ZMAT4: variants seen among roughly 807,000 people sequenced by gnomAD.
ZMAT4 encodes the protein zinc finger matrin-type 4, also known as zinc finger matrin-type protein 4.
A neutral mutation model predicts 28.7 loss-of-function variants in ZMAT4; 17 were observed. The ratio of observed to expected loss-of-function variants is 0.59; its 90% confidence interval spans 0.41 to 0.89. The LOEUF is 0.89. Ranked by LOEUF, ZMAT4 falls within the 40% of genes least tolerant of loss-of-function variation. The pLI is 0.00. For missense variants in ZMAT4, 240 were observed against 283.8 expected (o/e 0.85, Z 1.11); for synonymous variants, 117 against 109.2 (o/e 1.07, Z -0.44).
At chr8:40,760,642 A>T (rs1461918237) in intron 3 of ZMAT4, among the ~76,000 whole-genome samples, 2 of 150,322 alleles carry the variant, frequency 1.3e-5, no homozygotes, top group African/African-American at 2.5e-5. Context: ...GGCAAAGCTG[A>T]CTTTTTTCAT....
intron 5 of ZMAT4, among the ~76,000 whole-genome samples, chr8:40,647,293 C>T (rs918151892): frequency 4.6e-5 from 7 of 152,050 alleles, no homozygotes; most frequent in East Asian, 3.9e-4. Context: ...GTTCCCTTTC[C>T]GAGTCAAAGA....
intron 1 of ZMAT4, among the ~76,000 whole-genome samples, chr8:40,891,747 C>T (rs1818697954): frequency 6.6e-6 from 1 of 152,304 alleles, no homozygotes; most frequent in Non-Finnish European, 1.5e-5. Flanking sequence ...TTTGTTAGCA[C>T]AGGGACACCC....
intron 5 of ZMAT4, among the ~76,000 whole-genome samples, chr8:40,607,835 C>G (rs1461984236): frequency 6.6e-6 from 1 of 152,104 alleles, no homozygotes; most frequent in South Asian, 2.1e-4. Flanking sequence ...CTACTGGGCT[C>G]TGGGCTAGTA....
At chr8:40,812,233 A>C (rs73617465) in intron 2 of ZMAT4, among the ~76,000 whole-genome samples, 12,434 of 151,572 alleles carry the variant, frequency 0.082, 799 homozygotes, top group East Asian at 0.3. Context: ...GTGACTTTGA[A>C]GTGGAGAAAC....
chr8:40,744,653 C>A (rs1025500095), intron 3 of ZMAT4, among the ~76,000 whole-genome samples: 2 of 152,128 alleles, frequency 1.3e-5, no homozygotes, highest in Non-Finnish European at 2.9e-5. Context: ...GCAACACCCA[C>A]CCCAGGTATT....
intron 5 of ZMAT4, among the ~76,000 whole-genome samples, chr8:40,609,762 G>A (rs1230833032): frequency 6.6e-6 from 1 of 151,836 alleles, no homozygotes; most frequent in Non-Finnish European, 1.5e-5. Context: ...CTGTATCACT[G>A]CTGTAAATTC....
At chr8:40,766,525 C>T (rs1156719538) in intron 3 of ZMAT4, among the ~76,000 whole-genome samples, 1 of 152,118 alleles carries the variant, frequency 6.6e-6, no homozygotes, top group African/African-American at 2.4e-5. Flanking sequence ...AGACTCAGTC[C>T]CGGCTCTTAG....
intron 5 of ZMAT4, among the ~76,000 whole-genome samples, chr8:40,673,643 C>T (rs1808779284): frequency 6.6e-6 from 1 of 152,056 alleles, no homozygotes; most frequent in Non-Finnish European, 1.5e-5. Flanking sequence ...TTTTGCTGTA[C>T]TTCTATGCTG....
At chr8:40,788,256 G>T (rs1814166691) in intron 2 of ZMAT4, among the ~76,000 whole-genome samples, 1 of 151,972 alleles carries the variant, frequency 6.6e-6, no homozygotes, top group African/African-American at 2.4e-5. Flanking sequence ...TAGATGAAAT[G>T]AGCAAATTAC....
chr8:40,591,397 G>A (rs1254433000), intron 5 of ZMAT4, among the ~76,000 whole-genome samples: 1 of 152,116 alleles, frequency 6.6e-6, no homozygotes, highest in African/African-American at 2.4e-5. Context: ...TGAATCCTGG[G>A]CCAGATGTGT....
intron 3 of ZMAT4, among the ~76,000 whole-genome samples, chr8:40,724,555 A>T (rs2150520745): frequency 6.6e-6 from 1 of 152,362 alleles, no homozygotes; most frequent in South Asian, 2.1e-4. Context: ...GGCATTGAGG[A>T]GACAATGATG....
intron 1 of ZMAT4, among the ~76,000 whole-genome samples, chr8:40,840,986 T>A (rs1234360292): frequency 1.3e-5 from 2 of 151,692 alleles, no homozygotes; most frequent in African/African-American, 4.8e-5. Context: ...CCCGGGGGAG[T>A]TCTTCGGCTA....
At chr8:40,651,158 G>GA (rs1172924441) in intron 5 of ZMAT4, among the ~76,000 whole-genome samples, 4 of 152,084 alleles carry the variant, frequency 2.6e-5, no homozygotes, top group Non-Finnish European at 5.9e-5. Context: ...CAGACGACAT[G>GA]ATTGTATATC....
chr8:40,746,676 C>T (rs1267860452), intron 3 of ZMAT4, among the ~76,000 whole-genome samples: 1 of 152,026 alleles, frequency 6.6e-6, no homozygotes, highest in African/African-American at 2.4e-5. Context: ...CTAATAGTGC[C>T]CTTTCACTTT....
At chr8:40,686,469 G>A (rs1307025743) in intron 4 of ZMAT4, among the ~76,000 whole-genome samples, 2 of 151,336 alleles carry the variant, frequency 1.3e-5, no homozygotes, top group African/African-American at 2.4e-5. Context: ...CTGTCTCAAC[G>A]AAAAAAAATT....
At chr8:40,749,664 C>T (rs929936541) in intron 3 of ZMAT4, among the ~76,000 whole-genome samples, 11 of 152,196 alleles carry the variant, frequency 7.2e-5, no homozygotes, top group Admixed American at 6.5e-5. Context: ...AAATGTTCTA[C>T]AGGAACCTGG....
chr8:40,630,007 C>T (rs1179178272), intron 5 of ZMAT4, among the ~76,000 whole-genome samples: 1 of 152,090 alleles, frequency 6.6e-6, no homozygotes, highest in East Asian at 1.9e-4. Context: ...GGTTCCTTTT[C>T]AATTTTAATT....
In ZMAT4 at chr8:40,692,784, C is replaced by T. The variant is rs11987562; in HGVS notation, c.349+4461G>A. Among the ~76,000 whole-genome samples the T allele has an allele frequency of 5.4e-3, 822 of 152,282 alleles. 8 individuals carry two copies. Among genetic ancestry groups the T allele is most frequent in the African/African-American group, 0.019 (793 of 41,554 alleles). ...TTTTCTTCCATACATCAGATTTCCTCTCATTCATATTTTCTCCAAAAGTAA... is the reference window on the plus strand; with the variant it reads ...TTTTCTTCCATACATCAGATTTCCTTTCATTCATATTTTCTCCAAAAGTAA... On this transcript the variant is annotated intron_variant, in intron 4 of 6. Transcript: ENST00000297737.
intron 1 of ZMAT4, among the ~76,000 whole-genome samples, chr8:40,844,994 A>G (rs1816833431): frequency 6.6e-6 from 1 of 152,202 alleles, no homozygotes; most frequent in East Asian, 1.9e-4. Flanking sequence ...CCTCACGACC[A>G]TAAACTGCAC....
Sources: allele counts gnomAD v4.1 joint callset (sites outside exome capture counted in the v4.1 genomes callset), GRCh38; gene constraint gnomAD v4.1.1; transcripts MANE v1.5; gene names NCBI Gene and HGNC (gene_info 2026-07-23, HGNC 2026-07-21).